ATAD2: variants seen among roughly 807,000 people sequenced by gnomAD.
ATAD2 encodes the protein ATPase family AAA domain containing 2, also known as ATPase family AAA domain-containing protein 2.
Under a neutral mutation model 168.9 loss-of-function variants are expected in ATAD2, and 62 were observed. The ratio of observed to expected loss-of-function variants is 0.37; its 90% CI spans 0.30 to 0.45. ATAD2 has a LOEUF of 0.45. Ranked by LOEUF, ATAD2 falls within the 20% of genes least tolerant of loss-of-function variation. The pLI is 1.00. For missense variants in ATAD2, 1,419 were observed against 1,667.8 expected (o/e 0.85, Z 2.60); for synonymous variants, 613 against 571.6 (o/e 1.07, Z -1.03).
rs565270113 is a variant in ATAD2, at chr8:123,413,232, C to T, written c.-2282+3016G>A. On this transcript the variant is annotated intron_variant, in intron 1 of 28. Coordinates refer to the ATAD2 transcript ENST00000521903. ...CCCTGGCTCTAATGAGCGCCCCCCC[C>T]CCCCCAACTCCTCCCTGCTTCCTCA... Among the ~76,000 whole-genome samples, 24 of 150,180 alleles carry T rather than the reference C, an allele frequency of 1.6e-4. 1 individual carries two copies. The highest frequency in any genetic ancestry group is 4.3e-4 in the South Asian group (2 of 4,658).
At chr8:123,409,688 C>G (rs949406309) in intron 1 of ATAD2, among the ~76,000 whole-genome samples, 3 of 151,946 alleles carry the variant, frequency 2.0e-5, no homozygotes, top group African/African-American at 7.2e-5. Flanking sequence ...TAATCCTTGG[C>G]TGGGCACAGG....
intron 8 of ATAD2, among the ~76,000 whole-genome samples, chr8:123,364,794 C>A (rs1828922099): frequency 6.6e-6 from 1 of 152,142 alleles, no homozygotes; most frequent in African/African-American, 2.4e-5. Flanking sequence ...TAAAAGCCAT[C>A]TATGACAAAT....
At chr8:123,372,491 G>A (rs1829177692) in intron 3 of ATAD2, 146 bp downstream of exon 3, 1 of 591,842 alleles carries the variant, frequency 1.7e-6, no homozygotes, top group Non-Finnish European at 2.7e-6. Context: ...TTATTGTGGT[G>A]ATGGCTTCAT....
chr8:123,357,451 ATTC>A (rs1319256286), intron 12 of ATAD2, 108 bp downstream of exon 12: 1 of 1,054,200 alleles, frequency 9.5e-7, no homozygotes. Flanking sequence ...AAATAGTCTA[ATTC>A]TTCTGGGTTT....
In ATAD2 at chr8:123,356,490, T is replaced by C. The variant is rs369534918; in HGVS notation, c.1558-13A>G. ...GCATCTGATAGGCCTAGAAAGTAGG[T>C]GGAGTGGTCATTTGTTAGCATAAAC... On this transcript the variant is annotated splice_polypyrimidine_tract_variant and intron_variant, in intron 12 of 27. Coordinates refer to ENST00000287394, the MANE Select transcript of ATAD2 (RefSeq NM_014109.4). 5.0e-6 allele frequency: 8 copies of C among 1,599,786 alleles called. No homozygotes were observed. Among genetic ancestry groups the C allele is most frequent in the African/African-American group, 2.7e-5 (2 of 74,470 alleles).
upstream of ATAD2, among the ~76,000 whole-genome samples, chr8:123,397,035 T>C (rs1460399267): frequency 6.6e-6 from 1 of 151,158 alleles, no homozygotes; most frequent in African/African-American, 2.4e-5. Flanking sequence ...AGTGCCATCG[T>C]TTAGTTAAGG....
chr8:123,346,669 T>C lies in ATAD2; in HGVS notation c.2294A>G (p.Gln765Arg). The C allele has an allele frequency of 5.0e-6, 8 of 1,587,798 alleles. No homozygotes were observed. The highest frequency in any genetic ancestry group is 6.9e-6 in the Non-Finnish European group (8 of 1,165,680). ...VPSVYENGLS[Q>R]KSSHKAKDNF... ...GTCTTTTGCCTTATGAGAAGATTTC[T>C]GAGAAAGTCCATTTTCATAAACTGA... The change falls in exon 17 of 28, where the codon CAG becomes CGG. Residue 765 changes from glutamine to arginine, a missense_variant. Physicochemically the swap from Gln to Arg is conservative, Grantham distance 43. Coordinates refer to ENST00000287394, the MANE Select transcript of ATAD2 (RefSeq NM_014109.4).
intron 13 of ATAD2, among the ~76,000 whole-genome samples, chr8:123,349,857 G>A (rs570061995): frequency 6.6e-6 from 1 of 150,694 alleles, no homozygotes; most frequent in African/African-American, 2.4e-5. Flanking sequence ...GGCAACATAG[G>A]GAAACCCCAT....
Position 123,413,235 on chromosome 8 carries a change from C to T in ATAD2, c.-2282+3013G>A, listed in dbSNP as rs948816936. ...TGGCTCTAATGAGCGCCCCCCCCCCCCCAACTCCTCCCTGCTTCCTCATTC... is the reference window on the plus strand; with the variant it reads ...TGGCTCTAATGAGCGCCCCCCCCCCTCCAACTCCTCCCTGCTTCCTCATTC... On this transcript the variant is annotated intron_variant, in intron 1 of 28. Transcript: ENST00000521903. 1.5e-4 allele frequency among the ~76,000 whole-genome samples: 21 copies of T among 135,678 alleles called. 2 individuals are homozygous for T. Among genetic ancestry groups the T allele is most frequent in the South Asian group, 2.6e-4 (1 of 3,852 alleles). The allele number at this position is 135,678 out of a possible 152,430, so 89.0% of individuals were successfully genotyped here.
At position 123,346,132 on chromosome 8, in the gene ATAD2, A is replaced by C; in HGVS notation, c.2486T>G (p.Val829Gly). 6.3e-7 allele frequency: 1 copy of C among 1,599,568 alleles called. No individual in the cohort carries two copies. The highest frequency in any genetic ancestry group is 8.5e-7 in the Non-Finnish European group (1 of 1,174,738). Reference sequence around the variant, plus strand: ...GGATGTAGTACTAACTCCAAAAAGAACAGGAATGTCTAATGTATATACAGT... The same window carrying C: ...GGATGTAGTACTAACTCCAAAAAGACCAGGAATGTCTAATGTATATACAGT... ...KFTVYTLDIP[V>G]LFGVSTTSPE... The change falls in exon 18 of 28, where the codon GTT becomes GGT. Residue 829 changes from valine to glycine, a missense_variant. Val to Gly is a moderately radical substitution (Grantham distance 109). Transcript: ENST00000287394.
intron 11 of ATAD2, among the ~76,000 whole-genome samples, chr8:123,358,770 C>T (rs574661822): frequency 7.4e-5 from 9 of 121,086 alleles, no homozygotes; most frequent in Middle Eastern, 8.1e-3. Context: ...CTTGCTCTGT[C>T]GCCCAGGCTG....
chr8:123,396,473 C>T, upstream of ATAD2: 1 of 1,180,190 alleles, frequency 8.5e-7, no homozygotes, highest in Non-Finnish European at 1.1e-6. Flanking sequence ...GCGCCAGCGG[C>T]CGCAGCGCGC....
chr8:123,333,231 CAAAAAAA>C (rs71310667), intron 24 of ATAD2, among the ~76,000 whole-genome samples: 31 of 43,994 alleles, frequency 7.0e-4, no homozygotes, highest in African/African-American at 2.4e-3. Flanking sequence ...TCTAAAAATA[CAAAAAAA>C]AAAAAAAAAA....
At chr8:123,399,438 G>A (rs34573020), upstream of ATAD2, among the ~76,000 whole-genome samples, 42,271 of 151,974 alleles carry the variant, frequency 0.28, 6,518 homozygotes, top group East Asian at 0.5. Flanking sequence ...GGTACTCAGT[G>A]GATAAACAAG....
chr8:123,370,039 T>G lies in ATAD2; in HGVS notation c.728-15A>C, dbSNP rs145620970. ...TTCAGATGACTCTACAATTAAGAGA[T>G]CCTTACTTCCAGAAAGATACTCAGC... On this transcript the variant is annotated splice_polypyrimidine_tract_variant and intron_variant, in intron 6 of 27. Coordinates refer to ENST00000287394, the MANE Select transcript of ATAD2 (RefSeq NM_014109.4). 1.1e-5 allele frequency: 18 copies of G among 1,596,480 alleles called. No individual in the cohort carries two copies. Among genetic ancestry groups the G allele is most frequent in the Non-Finnish European group, 1.5e-5 (18 of 1,170,612 alleles).
chr8:123,390,460 C>G (rs533379156), intron 1 of ATAD2, among the ~76,000 whole-genome samples: 58 of 152,296 alleles, frequency 3.8e-4, no homozygotes, highest in African/African-American at 1.4e-3. Flanking sequence ...TACAGAACTG[C>G]CATGTCACCC....
chr8:123,341,797 T>C (rs1366288960), intron 19 of ATAD2, among the ~76,000 whole-genome samples: 1 of 152,190 alleles, frequency 6.6e-6, no homozygotes, highest in East Asian at 1.9e-4. Context: ...GTCCTTTCAG[T>C]TGACTGTACT....
At chr8:123,401,123 T>C, upstream of ATAD2, 1 of 1,337,610 alleles carries the variant, frequency 7.5e-7, no homozygotes, top group Non-Finnish European at 1.1e-6. Flanking sequence ...ATGCCAAGGA[T>C]TGAGCTGGTG....
intron 26 of ATAD2, among the ~76,000 whole-genome samples, chr8:123,324,758 T>C (rs368463730): frequency 1.7e-4 from 26 of 152,320 alleles, no homozygotes; most frequent in African/African-American, 5.8e-4. Context: ...AGGCAAGTAT[T>C]ATTAGCTATT....
Sources: gnomAD v4.1 joint callset for allele counts (sites outside exome capture counted in the v4.1 genomes callset) on GRCh38, gnomAD v4.1.1 for gene constraint, MANE v1.5 for transcripts, NCBI Gene and HGNC (gene_info 2026-07-23, HGNC 2026-07-21) for gene names.